Variants in NFYA observed in about 807,000 individuals in gnomAD.
NFYA encodes the protein CAAT-box DNA binding protein subunit A.
Under a neutral mutation model 52.8 loss-of-function variants are expected in NFYA, and 28 were observed. The ratio of observed to expected loss-of-function variants is 0.53; its 90% CI spans 0.39 to 0.73. NFYA has a LOEUF of 0.73. NFYA is among the 30% of genes least tolerant of loss of function. NFYA has a pLI of 0.00. For missense variants in NFYA, 234 were observed against 427.0 expected (o/e 0.55, Z 3.98); for synonymous variants, 150 against 150.7 (o/e 1.00, Z 0.03).
Position 41,100,200 on chromosome 6 carries a change from C to T in NFYA, c.*2790C>T, listed in dbSNP as rs186639460. Among the ~76,000 whole-genome samples the T allele has an allele frequency of 6.6e-6, 1 of 152,248 alleles. No individual in the cohort carries two copies. Among genetic ancestry groups the T allele is most frequent in the East Asian group, 1.9e-4 (1 of 5,178 alleles). ...TTTTTTCTGTCACCTGCAGGCTGAT[C>T]ATACATTTGATGCTACTACTGAAAG... On this transcript the variant is annotated 3_prime_UTR_variant, in exon 10 of 10. Coordinates refer to ENST00000341376, the MANE Select transcript of NFYA (RefSeq NM_002505.5).
intron 5 of NFYA, among the ~76,000 whole-genome samples, chr6:41,089,968 G>C (rs539990227): frequency 1.3e-5 from 2 of 152,054 alleles, no homozygotes; most frequent in African/African-American, 4.8e-5. Flanking sequence ...AAAATTAGGT[G>C]GGCATGGTGG....
At chr6:41,082,798 G>T (rs573799897) in intron 3 of NFYA, among the ~76,000 whole-genome samples, 17 of 152,302 alleles carry the variant, frequency 1.1e-4, no homozygotes, top group Non-Finnish European at 2.2e-4. Context: ...GGGAAATAAG[G>T]GAAAGAGATA....
intron 1 of NFYA, among the ~76,000 whole-genome samples, chr6:41,076,355 A>T (rs1763733169): frequency 1.3e-5 from 2 of 152,232 alleles, no homozygotes; most frequent in African/African-American, 4.8e-5. Context: ...GTGTGCACTG[A>T]GTTGTGATAA....
rs185990742 is a variant in NFYA at position 41,087,053 on chromosome 6, C to T, written c.310-2526C>T. 4.0e-5 allele frequency among the ~76,000 whole-genome samples: 6 copies of T among 151,846 alleles called. No homozygotes were observed. In the East Asian group the frequency reaches 9.7e-4, roughly 24 times the overall value. On this transcript the variant is annotated intron_variant, in intron 4 of 9. Coordinates refer to ENST00000341376, the MANE Select transcript of NFYA (RefSeq NM_002505.5). Reference sequence around the variant, plus strand: ...AAAAGATATTTTTAATACATACAACCGAGTTTGTATTCAGAATATGTATAA... The same window carrying T: ...AAAAGATATTTTTAATACATACAACTGAGTTTGTATTCAGAATATGTATAA...
In NFYA at chr6:41,098,476, A is replaced by G. The variant is rs1764418753; in HGVS notation, c.*1066A>G. On this transcript the variant is annotated 3_prime_UTR_variant, in exon 10 of 10. Coordinates refer to ENST00000341376, the MANE Select transcript of NFYA (RefSeq NM_002505.5). The stretch of plus-strand genomic sequence containing the variant: ...CCTGGAATGGATCATTAAGATGAAG[A>G]GAGTAATTCACATTTACTCTAGAAC... 1 of 152,242 alleles carries G rather than the reference A, an allele frequency of 6.6e-6. No individual in the cohort carries two copies. The highest frequency in any genetic ancestry group is 2.1e-4 in the South Asian group (1 of 4,836). 9.4% of individuals were successfully genotyped at this position (152,242 alleles called of 1,614,324 possible).
intron 1 of NFYA, among the ~76,000 whole-genome samples, chr6:41,078,471 G>A (rs573247697): frequency 6.2e-4 from 85 of 136,958 alleles, no homozygotes; most frequent in Middle Eastern, 7.1e-3. Flanking sequence ...ATGAATTGCC[G>A]ATTGCTAACT....
At chr6:41,076,244 A>G (rs189485606) in intron 1 of NFYA, among the ~76,000 whole-genome samples, 246 of 152,294 alleles carry the variant, frequency 1.6e-3, no homozygotes, top group East Asian at 4.6e-3. Context: ...CCCCTCTCTT[A>G]AAAGAAAAAA....
In NFYA at chr6:41,090,260, G is replaced by C. The variant is rs1359571684; in HGVS notation, c.498G>C (p.Gln166His). Residue 166 changes from glutamine to histidine, a missense_variant, in exon 6 of 10, where the codon CAG becomes CAC. This residue lies in a region of NFYA where 81 missense variants were observed against 210.5 expected (regional missense o/e 0.38). Transcript: ENST00000341376. ...AAGTGGCACAGACTGCTGAAGGGCA[G>C]ACCATCGTCTATCAACCAGTTAATG... ...GQQVAQTAEG[Q>H]TIVYQPVNAD... 2 of 1,614,002 alleles carry C rather than the reference G, an allele frequency of 1.2e-6. No homozygotes were observed. Among genetic ancestry groups the C allele is most frequent in the Non-Finnish European group, 1.7e-6 (2 of 1,179,948 alleles).
In NFYA at chr6:41,094,703, T is replaced by C. The variant is rs1395027794; in HGVS notation, c.990+206T>C. ...TGGCTCATGCCTGTAATCCCAACACTTTGGGAGGCTGAGGTGGGAAGCCCA... is the reference window on the plus strand; with the variant it reads ...TGGCTCATGCCTGTAATCCCAACACCTTGGGAGGCTGAGGTGGGAAGCCCA... On this transcript the variant is annotated intron_variant, in intron 9 of 9. Transcript: ENST00000341376. 1.3e-5 allele frequency among the ~76,000 whole-genome samples: 2 copies of C among 152,022 alleles called. 1 individual carries two copies. The highest frequency in any genetic ancestry group is 4.8e-5 in the African/African-American group (2 of 41,380).
chr6:41,088,183 C>T (rs546761578), intron 4 of NFYA, among the ~76,000 whole-genome samples: 1 of 152,158 alleles, frequency 6.6e-6, no homozygotes, highest in East Asian at 1.9e-4. Context: ...CTTTGGGTGG[C>T]CGAGGCGGGT....
chr6:41,098,575 A>G lies in NFYA; in HGVS notation c.*1165A>G, dbSNP rs1764421106. On this transcript the variant is annotated 3_prime_UTR_variant, in exon 10 of 10. Coordinates refer to ENST00000341376, the MANE Select transcript of NFYA (RefSeq NM_002505.5). Reference sequence around the variant, plus strand: ...TTTCTGGAAAGCACTGGTCAGTCACACTGTCCTGGACAGAGTCCAAGTTAC... The same window carrying G: ...TTTCTGGAAAGCACTGGTCAGTCACGCTGTCCTGGACAGAGTCCAAGTTAC... 1 of 152,644 alleles carries G rather than the reference A, an allele frequency of 6.6e-6. No homozygotes were observed. Among genetic ancestry groups the G allele is most frequent in the African/African-American group, 2.4e-5 (1 of 41,450 alleles). 9.5% of individuals were successfully genotyped at this position (152,644 alleles called of 1,614,324 possible).
At position 41,093,050 on chromosome 6, in the gene NFYA, C is replaced by T; in HGVS notation, c.853C>T (p.Leu285=). The T allele has an allele frequency of 1.2e-6, 2 of 1,614,050 alleles. No homozygotes were observed. Among genetic ancestry groups the T allele is most frequent in the Non-Finnish European group, 1.7e-6 (2 of 1,179,984 alleles). The change falls in exon 8 of 10, where the codon CTA becomes TTA. Residue 285 remains leucine (L), a synonymous_variant. Coordinates refer to ENST00000341376, the MANE Select transcript of NFYA (RefSeq NM_002505.5). ...TAAGAGGAGGCAAGCCCGAGCTAAA[C>T]TAGAGGCAGAAGGGAAAATTCCAAA... is the stretch of plus-strand genomic sequence containing the variant. ...ILKRRQARAK[L]EAEGKIPKER...
At chr6:41,077,293 A>G (rs1238669205) in intron 1 of NFYA, among the ~76,000 whole-genome samples, 2 of 152,140 alleles carry the variant, frequency 1.3e-5, no homozygotes, top group Non-Finnish European at 2.9e-5. Flanking sequence ...AGTTTTGACA[A>G]ATTTGTACAC....
chr6:41,081,783 A>G (rs777183254), intron 3 of NFYA, among the ~76,000 whole-genome samples: 6 of 152,212 alleles, frequency 3.9e-5, no homozygotes, highest in Non-Finnish European at 5.9e-5. Flanking sequence ...TAGATCTGCA[A>G]AGATTACCCC....
At chr6:41,094,006 G>A (rs1358849254) in intron 8 of NFYA, among the ~76,000 whole-genome samples, 1 of 152,186 alleles carries the variant, frequency 6.6e-6, no homozygotes, top group South Asian at 2.1e-4. Flanking sequence ...AAGGGTGTCA[G>A]AGTGAAACCC....
chr6:41,090,385 A>AT, intron 6 of NFYA, 76 bp downstream of exon 6: 1 of 822,882 alleles, frequency 1.2e-6, no homozygotes, highest in Non-Finnish European at 2.1e-6. Context: ...CATCTTTAGA[A>AT]TTTGAGTGGT....
rs1480318454 is a variant in NFYA at position 41,098,185 on chromosome 6, G to A, written c.*775G>A. The stretch of plus-strand genomic sequence containing the variant: ...GTGGCTACTTCTAAGACAATGTAGA[G>A]GGTTATTAAACCTTGAAACTGCCTT... On this transcript the variant is annotated 3_prime_UTR_variant, in exon 10 of 10. Coordinates refer to ENST00000341376, the MANE Select transcript of NFYA (RefSeq NM_002505.5). The A allele has an allele frequency of 6.6e-6, 1 of 152,648 alleles. No homozygotes were observed. Among genetic ancestry groups the A allele is most frequent in the African/African-American group, 2.4e-5 (1 of 41,448 alleles). The allele number at this position is 152,648 out of a possible 1,614,324, so 9.5% of individuals were successfully genotyped here.
At chr6:41,097,260 A>G (rs775128730) in intron 9 of NFYA, 97 bp from the exon 10 acceptor site, 4 of 1,096,408 alleles carry the variant, frequency 3.6e-6, no homozygotes, top group Non-Finnish European at 5.5e-6. Context: ...TACTTGGTAA[A>G]GTTATGTGTA....
In NFYA at chr6:41,101,701, A is replaced by G. The variant is rs1764505841; in HGVS notation, c.*4291A>G. Among the ~76,000 whole-genome samples the G allele has an allele frequency of 6.6e-6, 1 of 152,196 alleles. No homozygotes were observed. The highest frequency in any genetic ancestry group is 1.9e-4 in the East Asian group (1 of 5,190). ...ACTGTGTGAGTGGTTCTCTAGCCAG[A>G]CATGAGGAGGGATCCTATTGTTTCC... On this transcript the variant is annotated 3_prime_UTR_variant, in exon 10 of 10. Coordinates refer to ENST00000341376, the MANE Select transcript of NFYA (RefSeq NM_002505.5).
Sources: gnomAD v4.1 joint callset for allele counts (sites outside exome capture counted in the v4.1 genomes callset) on GRCh38, gnomAD v4.1.1 for gene constraint, gnomAD v4.1.1 regional missense constraint, MANE v1.5 for transcripts, NCBI Gene and HGNC (gene_info 2026-07-23, HGNC 2026-07-21) for gene names.